Variants in CRYBB2 observed in about 807,000 individuals in gnomAD.
CRYBB2 encodes the protein beta-crystallin B2.
In CRYBB2, 12 loss-of-function variants were observed where a neutral mutation model predicts 24.3. The observed-to-expected ratio is 0.49, with a 90% confidence interval of 0.32 to 0.80. CRYBB2 has a LOEUF of 0.80. Among genes scored for constraint, CRYBB2 ranks in the 30% least tolerant of loss-of-function variants. The pLI is 0.04. For missense variants in CRYBB2, 198 were observed against 268.5 expected (o/e 0.74, Z 1.83); for synonymous variants, 98 against 101.6 (o/e 0.96, Z 0.21).
chr22:25,218,228 C>T (rs1271794978), upstream of CRYBB2, among the ~76,000 whole-genome samples: 1 of 150,248 alleles, frequency 6.7e-6, no homozygotes, highest in Non-Finnish European at 1.5e-5. Context: ...CACTGCACTC[C>T]AGCCTGGGCG....
Position 25,231,697 on chromosome 22 carries a change from C to G in CRYBB2, c.543C>G (p.His181Gln). 6.2e-7 allele frequency: 1 copy of G among 1,614,104 alleles called. No individual in the cohort carries two copies. Among genetic ancestry groups the G allele is most frequent in the Admixed American group, 1.7e-5 (1 of 60,028 alleles). ...ACAGCAGCGACTTTGGGGCCCCTCA[C>G]CCCCAGGTGCAGTCCGTGCGCCGTA... ...YKDSSDFGAP[H>Q]PQVQSVRRIR... is the part of the protein sequence containing the mutation. Residue 181 changes from histidine to glutamine, a missense_variant, in exon 6 of 6, where the codon CAC becomes CAG. By Grantham distance (24) the His-to-Gln change is conservative. Transcript: ENST00000398215.
chr22:25,214,981 T>C (rs1935148580), upstream of CRYBB2, among the ~76,000 whole-genome samples: 1 of 152,266 alleles, frequency 6.6e-6, no homozygotes, highest in Non-Finnish European at 1.5e-5. Flanking sequence ...GACTGCTTCC[T>C]CAATGAGAAT....
upstream of CRYBB2, among the ~76,000 whole-genome samples, chr22:25,217,178 AT>A (rs71191033): frequency 0.13 from 18,412 of 145,122 alleles, 2,512 homozygotes; most frequent in African/African-American, 0.35. Context: ...TCTATGTTGG[AT>A]TTTTTTTTTT....
chr22:25,231,825 C>G lies in CRYBB2; in HGVS notation c.*53C>G. The G allele has an allele frequency of 6.5e-7, 1 of 1,537,558 alleles. No individual in the cohort carries two copies. ...GGACCCAGGTCTGCTGCCCAGGAAC[C>G]CTCCAGACCTCCCAGAGAGTGAATA... On this transcript the variant is annotated 3_prime_UTR_variant, in exon 6 of 6. Transcript: ENST00000398215.
intron 4 of CRYBB2, among the ~76,000 whole-genome samples, chr22:25,229,050 G>GTGT (rs1935481253): frequency 6.8e-6 from 1 of 146,764 alleles, no homozygotes; most frequent in Non-Finnish European, 1.5e-5. Flanking sequence ...GTGCAAGTGT[G>GTGT]GTGTGCGTGT....
intron 1 of CRYBB2, among the ~76,000 whole-genome samples, chr22:25,214,460 G>A (rs938961951): frequency 7.9e-5 from 12 of 152,266 alleles, no homozygotes; most frequent in Non-Finnish European, 1.6e-4. Context: ...TTTGCTTGAA[G>A]TAGAAATGAA....
chr22:25,213,674 C>T (rs1724142541), intron 1 of CRYBB2: 1 of 152,202 alleles, frequency 6.6e-6, no homozygotes, highest in African/African-American at 2.4e-5. Flanking sequence ...GAATGAGTCA[C>T]ATGACACCCC....
At chr22:25,215,814 T>A (rs191939906), upstream of CRYBB2, among the ~76,000 whole-genome samples, 1 of 152,354 alleles carries the variant, frequency 6.6e-6, no homozygotes, top group African/African-American at 2.4e-5. Flanking sequence ...AGCTTCCTTA[T>A]CTGTATTAGG....
upstream of CRYBB2, among the ~76,000 whole-genome samples, chr22:25,216,645 A>G (rs1268204227): frequency 1.3e-5 from 2 of 152,208 alleles, no homozygotes; most frequent in Non-Finnish European, 2.9e-5. Context: ...AATACTGCAT[A>G]GCATAAAATT....
chr22:25,227,946 A>G lies in CRYBB2; in HGVS notation c.267A>G (p.Arg89=). ...GCTGGGACTCATGGACCAGCAGCCGAAGGACGGACTCCCTCAGCTCCCTGA... is the reference window on the plus strand; with the variant it reads ...GCTGGGACTCATGGACCAGCAGCCGGAGGACGGACTCCCTCAGCTCCCTGA... ...YPRWDSWTSS[R]RTDSLSSLRP... The change falls in exon 4 of 6, where the codon CGA becomes CGG. Residue 89 remains arginine (R), a synonymous_variant. Coordinates refer to ENST00000398215, the MANE Select transcript of CRYBB2 (RefSeq NM_000496.3). The G allele has an allele frequency of 1.2e-6, 2 of 1,614,124 alleles. No homozygotes were observed.
intron 1 of CRYBB2, chr22:25,213,222 G>GA (rs1935127699): frequency 1.3e-5 from 2 of 152,176 alleles, no homozygotes; most frequent in Admixed American, 6.5e-5. Context: ...TGATAGCTAT[G>GA]AGAACACCTT....
intron 3 of CRYBB2, among the ~76,000 whole-genome samples, chr22:25,227,577 G>A (rs955306118): frequency 1.0e-4 from 15 of 150,196 alleles, no homozygotes; most frequent in African/African-American, 2.5e-4. Context: ...AGTGCATGGC[G>A]TCTATATATT....
intron 3 of CRYBB2, among the ~76,000 whole-genome samples, chr22:25,226,732 G>A (rs1400513523): frequency 6.6e-6 from 1 of 152,180 alleles, no homozygotes; most frequent in East Asian, 1.9e-4. Flanking sequence ...GGAGTTCAAT[G>A]GTGCGATCTC....
intron 4 of CRYBB2, among the ~76,000 whole-genome samples, chr22:25,228,766 C>T (rs567687750): frequency 9.2e-5 from 14 of 152,336 alleles, no homozygotes; most frequent in South Asian, 6.2e-4. Context: ...GATTTTATGT[C>T]TGAGGGATAA....
chr22:25,222,972 T>C (rs529027516), intron 2 of CRYBB2, among the ~76,000 whole-genome samples: 6 of 152,320 alleles, frequency 3.9e-5, no homozygotes, highest in Admixed American at 3.9e-4. Flanking sequence ...ATGTGCTCAG[T>C]AGCCATATGT....
chr22:25,214,546 A>G (rs1935142766), intron 1 of CRYBB2, among the ~76,000 whole-genome samples: 1 of 151,574 alleles, frequency 6.6e-6, no homozygotes, highest in South Asian at 2.1e-4. Flanking sequence ...GTGGGAGTGA[A>G]AAGAAATAAA....
At chr22:25,218,494 C>A (rs1935218076), upstream of CRYBB2, among the ~76,000 whole-genome samples, 2 of 151,056 alleles carry the variant, frequency 1.3e-5, no homozygotes, top group Admixed American at 6.6e-5. Flanking sequence ...CTGTCTCTAA[C>A]AAGATACAGC....
Position 25,224,993 on chromosome 22 carries a change from A to G in CRYBB2, c.130A>G (p.Thr44Ala). 1.2e-6 allele frequency: 2 copies of G among 1,613,344 alleles called. No homozygotes were observed. Among genetic ancestry groups the G allele is most frequent in the African/African-American group, 1.3e-5 (1 of 75,030 alleles). Residue 44 changes from threonine (T) to alanine (A), a missense_variant, in exon 3 of 6, where the codon ACT (threonine) becomes GCT (alanine). Thr to Ala is a moderately conservative substitution (Grantham distance 58). Transcript: ENST00000398215. ...LNGPCPNLKETGVEKAGSVLV... is the reference protein window; with the variant it reads ...LNGPCPNLKEAGVEKAGSVLV... ...TGGGCCCTGCCCCAACCTGAAGGAA[A>G]CTGGCGTGGAGAAGGCAGGTTCTGT...
chr22:25,231,696 A>G lies in CRYBB2; in HGVS notation c.542A>G (p.His181Arg). Residue 181 changes from histidine (H) to arginine (R), a missense_variant, in exon 6 of 6, where the codon CAC (histidine) becomes CGC (arginine). Transcript: ENST00000398215. ...GACAGCAGCGACTTTGGGGCCCCTCACCCCCAGGTGCAGTCCGTGCGCCGT... is the reference window on the plus strand; with the variant it reads ...GACAGCAGCGACTTTGGGGCCCCTCGCCCCCAGGTGCAGTCCGTGCGCCGT... ...YKDSSDFGAP[H>R]PQVQSVRRIR... 6.2e-7 allele frequency: 1 copy of G among 1,613,532 alleles called. No homozygotes were observed. Among genetic ancestry groups the G allele is most frequent in the South Asian group, 1.1e-5 (1 of 91,034 alleles).
Sources: allele counts gnomAD v4.1 joint callset (sites outside exome capture counted in the v4.1 genomes callset), GRCh38; gene constraint gnomAD v4.1.1; transcripts MANE v1.5; gene names NCBI Gene and HGNC (gene_info 2026-07-23, HGNC 2026-07-21).